The following CUX1 variants were observed in gnomAD, a reference collection of about 807,000 sequenced individuals.
The protein encoded by CUX1 is protein CASP.
Under a neutral mutation model 158.8 loss-of-function variants are expected in CUX1, and 31 were observed. That is an observed-to-expected ratio of 0.20 (90% confidence interval 0.15 to 0.26). The LOEUF (loss-of-function observed/expected upper bound fraction) is 0.26, where lower values mean the gene tolerates loss of function less well. Ranked by LOEUF, CUX1 falls within the 10% of genes least tolerant of loss-of-function variation. The pLI is 1.00. For synonymous variants in CUX1, 879 were observed against 862.1 expected (o/e 1.02, Z -0.34); for missense variants, 1,589 against 2,014.6 (o/e 0.79, Z 4.04).
intron 14 of CUX1, among the ~76,000 whole-genome samples, chr7:102,265,191 A>G (rs936019584): frequency 1.3e-5 from 2 of 152,026 alleles, no homozygotes; most frequent in Non-Finnish European, 2.9e-5. Context: ...CCCTGTCTCT[A>G]CTAAAAATAC....
intron 1 of CUX1, among the ~76,000 whole-genome samples, chr7:101,820,082 A>G (rs1792303174): frequency 1.3e-5 from 2 of 152,236 alleles, no homozygotes; most frequent in South Asian, 4.1e-4. Flanking sequence ...GTGAAGGAAC[A>G]GTAGTTTGTG....
intron 4 of CUX1, among the ~76,000 whole-genome samples, chr7:102,094,619 G>A (rs774536307): frequency 6.6e-6 from 1 of 152,208 alleles, no homozygotes; most frequent in Non-Finnish European, 1.5e-5. Flanking sequence ...AACTTTTAGG[G>A]AGGGCAGGCA....
intron 14 of CUX1, among the ~76,000 whole-genome samples, chr7:102,271,621 C>T (rs1437046358): frequency 6.6e-6 from 1 of 152,240 alleles, no homozygotes; most frequent in Non-Finnish European, 1.5e-5. Context: ...ACAGTCCTCC[C>T]TCCAAGGCCG....
At chr7:101,826,882 T>A (rs998594114) in intron 1 of CUX1, among the ~76,000 whole-genome samples, 1 of 152,206 alleles carries the variant, frequency 6.6e-6, no homozygotes, top group Non-Finnish European at 1.5e-5. Flanking sequence ...ACTCTCTGCC[T>A]TGTGTGTCCG....
intron 1 of CUX1, among the ~76,000 whole-genome samples, chr7:101,854,924 A>T (rs1026480134): frequency 2.0e-5 from 3 of 152,106 alleles, no homozygotes; most frequent in African/African-American, 7.2e-5. Flanking sequence ...TTGTATTTTT[A>T]GTAGAGGTGG....
chr7:102,240,887 C>T (rs1563473011), intron 23 of CUX1, among the ~76,000 whole-genome samples: 1 of 152,184 alleles, frequency 6.6e-6, no homozygotes, highest in Non-Finnish European at 1.5e-5. Flanking sequence ...GTGGCACGAT[C>T]TCGGCTCACT....
At chr7:101,833,385 G>GAAA (rs554710100) in intron 1 of CUX1, among the ~76,000 whole-genome samples, 1 of 138,878 alleles carries the variant, frequency 7.2e-6, no homozygotes, top group African/African-American at 2.6e-5. Context: ...TGTCTCTACA[G>GAAA]AAAAAAAAAA....
chr7:102,079,444 A>G (rs1585567904), intron 4 of CUX1, among the ~76,000 whole-genome samples: 1 of 151,960 alleles, frequency 6.6e-6, no homozygotes, highest in Non-Finnish European at 1.5e-5. Context: ...TCTCAAAAAA[A>G]AAAAAATGAC....
intron 4 of CUX1, among the ~76,000 whole-genome samples, chr7:102,088,910 T>C (rs1554481403): frequency 6.6e-6 from 1 of 152,210 alleles, no homozygotes; most frequent in Non-Finnish European, 1.5e-5. Context: ...ATAGCTTTTA[T>C]GAAGTTTGGA....
intron 8 of CUX1, among the ~76,000 whole-genome samples, chr7:102,139,539 A>G (rs1328751620): frequency 8.5e-5 from 13 of 152,234 alleles, no homozygotes; most frequent in Non-Finnish European, 1.3e-4. Flanking sequence ...CCACCCCTGT[A>G]ATCCCAGCAC....
chr7:102,030,097 C>T (rs1484638319), intron 3 of CUX1, among the ~76,000 whole-genome samples: 6 of 151,912 alleles, frequency 3.9e-5, no homozygotes, highest in South Asian at 2.1e-4. Context: ...CTGCAACCTC[C>T]GCCTCCTGGA....
chr7:101,927,308 G>A (rs971917469), intron 2 of CUX1, among the ~76,000 whole-genome samples: 5 of 152,084 alleles, frequency 3.3e-5, no homozygotes, highest in African/African-American at 4.8e-5. Flanking sequence ...ACTTTGAAGC[G>A]TCAGATTCAG....
At chr7:102,050,456 G>T (rs950366188) in intron 3 of CUX1, among the ~76,000 whole-genome samples, 1 of 152,116 alleles carries the variant, frequency 6.6e-6, no homozygotes, top group Non-Finnish European at 1.5e-5. Context: ...CATCTGGGCC[G>T]TTTGGGGCTG....
chr7:102,185,948 C>T (rs1037022583), intron 11 of CUX1, among the ~76,000 whole-genome samples: 3 of 152,214 alleles, frequency 2.0e-5, no homozygotes, highest in South Asian at 4.2e-4. Context: ...AATCAGATAG[C>T]GTATGAAATG....
At chr7:102,023,588 T>C (rs13243790) in intron 2 of CUX1, among the ~76,000 whole-genome samples, 58,046 of 152,084 alleles carry the variant, frequency 0.38, 12,493 homozygotes, top group East Asian at 0.96. Flanking sequence ...AGCCTCCCAA[T>C]GTGCTGGGAC....
intron 8 of CUX1, among the ~76,000 whole-genome samples, chr7:102,122,963 G>T (rs781870328): frequency 7.2e-5 from 11 of 152,186 alleles, no homozygotes; most frequent in Admixed American, 2.0e-4. Flanking sequence ...GGGCACGGTG[G>T]CTCATACCTG....
intron 2 of CUX1, among the ~76,000 whole-genome samples, chr7:102,017,119 C>T (rs1262102406): frequency 1.3e-5 from 2 of 152,012 alleles, no homozygotes; most frequent in South Asian, 2.1e-4. Context: ...GCCTGGCCAA[C>T]ACGGTGAAAC....
Position 102,180,735 on chromosome 7 carries a change from G to A in CUX1, c.1017+2078G>A, listed in dbSNP as rs570174001. 9.3e-5 allele frequency among the ~76,000 whole-genome samples: 14 copies of A among 149,926 alleles called. No individual in the cohort carries two copies. The East Asian group carries it at 2.4e-3, about 25-fold the overall frequency. The stretch of plus-strand genomic sequence containing the variant: ...TATTGCCTATGCTGATGGCTCCCAC[G>A]ACCCTCCCTCACTCCTTTCTTCTGC... On this transcript the variant is annotated intron_variant, in intron 11 of 23. Coordinates refer to ENST00000292535, the MANE Select transcript of CUX1 (RefSeq NM_181552.4).
chr7:101,888,569 C>CTGGGATCTGGTATACAAGAGA (rs1800511018), intron 1 of CUX1, among the ~76,000 whole-genome samples: 1 of 152,072 alleles, frequency 6.6e-6, no homozygotes, highest in Non-Finnish European at 1.5e-5. Context: ...TTATTTCTCC[C>CTGGGATCTGGTATACAAGAGA]TGGGATCTGG....
Sources: allele counts gnomAD v4.1 joint callset (sites outside exome capture counted in the v4.1 genomes callset), GRCh38; gene constraint gnomAD v4.1.1; transcripts MANE v1.5; gene names NCBI Gene and HGNC (gene_info 2026-07-23, HGNC 2026-07-21).